SNRPC: variants seen among roughly 807,000 people sequenced by gnomAD.
SNRPC encodes the protein small nuclear ribonucleoprotein polypeptide C.
Under a neutral mutation model 20.0 loss-of-function variants are expected in SNRPC, and 5 were observed. The observed-to-expected ratio is 0.25, with a 90% CI of 0.13 to 0.53. The LOEUF is 0.53. Among genes scored for constraint, SNRPC ranks in the 20% least tolerant of loss-of-function variants. The pLI is 0.96. For synonymous variants in SNRPC, 61 were observed against 58.7 expected (o/e 1.04, Z -0.18); for missense variants, 112 against 224.1 (o/e 0.50, Z 3.19).
intron 4 of SNRPC, 83 bp from the exon 5 acceptor site, chr6:34,770,208 A>G: frequency 9.5e-7 from 1 of 1,051,152 alleles, no homozygotes; most frequent in Middle Eastern, 3.0e-4. Context: ...GGCAACAAGA[A>G]CGAAACTCCG....
At chr6:34,767,144 CA>C (rs2127407150) in intron 3 of SNRPC, among the ~76,000 whole-genome samples, 1 of 152,250 alleles carries the variant, frequency 6.6e-6, no homozygotes, top group African/African-American at 2.4e-5. Context: ...CATCGATTTC[CA>C]AACTGGTAAA....
intron 3 of SNRPC, among the ~76,000 whole-genome samples, chr6:34,765,011 ACT>A (rs1764595843): frequency 2.0e-5 from 3 of 151,598 alleles, no homozygotes; most frequent in East Asian, 1.9e-4. Context: ...ACAGAGCGAG[ACT>A]CTGTCTGAAA....
At chr6:34,758,912 C>T (rs1428894938) in intron 2 of SNRPC, among the ~76,000 whole-genome samples, 2 of 148,418 alleles carry the variant, frequency 1.3e-5, no homozygotes, top group South Asian at 2.2e-4. Context: ...CCCAGCTACT[C>T]GGGAGGCTGA....
chr6:34,770,590 T>G (rs1764673679), intron 5 of SNRPC, among the ~76,000 whole-genome samples, 195 bp downstream of exon 5: 1 of 152,256 alleles, frequency 6.6e-6, no homozygotes, highest in Non-Finnish European at 1.5e-5. Flanking sequence ...CAAATTAAAT[T>G]TGGTCAATTA....
intron 2 of SNRPC, among the ~76,000 whole-genome samples, chr6:34,759,356 C>A (rs1764503844): frequency 6.6e-6 from 1 of 152,138 alleles, no homozygotes; most frequent in South Asian, 2.1e-4. Context: ...CTTCGGGAGG[C>A]CGAGGAAGGA....
At chr6:34,764,490 A>G (rs76390223) in intron 3 of SNRPC, among the ~76,000 whole-genome samples, 4,299 of 150,612 alleles carry the variant, frequency 0.029, 194 homozygotes, top group African/African-American at 0.096. Context: ...AACAAACAAA[A>G]AAAAACAACA....
intron 4 of SNRPC, 116 bp downstream of exon 4, chr6:34,768,113 A>G: frequency 1.5e-6 from 1 of 670,228 alleles, no homozygotes; most frequent in Non-Finnish European, 2.3e-6. Flanking sequence ...AGATAGTAAT[A>G]TAAATGTATA....
chr6:34,770,283 T>C lies in SNRPC; in HGVS notation c.251-8T>C, dbSNP rs2127407901. 1 of 1,591,208 alleles carries C rather than the reference T, an allele frequency of 6.3e-7. No individual in the cohort carries two copies. Among genetic ancestry groups the C allele is most frequent in the East Asian group, 2.2e-5 (1 of 44,792 alleles). Reference sequence around the variant, plus strand: ...CACCTTAACCACAGGCTCCATTCTTTATTTCAGCGGGTCCTCCTCGCCCTG... The same window carrying C: ...CACCTTAACCACAGGCTCCATTCTTCATTTCAGCGGGTCCTCCTCGCCCTG... On this transcript the variant is annotated splice_polypyrimidine_tract_variant and splice_region_variant and intron_variant, in intron 4 of 5. Transcript: ENST00000244520.
chr6:34,773,695 AAG>A lies in SNRPC; in HGVS notation c.*129_*130del, dbSNP rs1452118009. The A allele has an allele frequency of 1.3e-6, 1 of 766,472 alleles. No individual in the cohort carries two copies. Among genetic ancestry groups the A allele is most frequent in the East Asian group, 2.6e-5 (1 of 38,544 alleles). 47.5% of individuals were successfully genotyped at this position (766,472 alleles called of 1,614,324 possible). On this transcript the variant is annotated 3_prime_UTR_variant, in exon 6 of 6. Transcript: ENST00000244520. This position sits in a 1 kb window ranked among gnomAD's most constrained non-coding sequence, Gnocchi z 4.1. ...GAAGACTTGCTCCCCTGTCCTATGA[AAG>A]AGAATAGTTTTGGAGGGGAGAAGTG...
At chr6:34,758,023 T>G in intron 2 of SNRPC, 69 bp downstream of exon 2, 1 of 1,531,930 alleles carries the variant, frequency 6.5e-7, no homozygotes, top group Non-Finnish European at 8.8e-7. Flanking sequence ...TTTGTGTTTT[T>G]TTTAAGTTGC....
intron 4 of SNRPC, among the ~76,000 whole-genome samples, chr6:34,769,786 C>T (rs934288661): frequency 2.0e-5 from 3 of 152,058 alleles, no homozygotes; most frequent in Admixed American, 2.0e-4. Context: ...CCTGTCTAGG[C>T]AGGCTTGTTC....
intron 5 of SNRPC, 72 bp downstream of exon 5, chr6:34,770,467 G>A (rs1764672576): frequency 1.0e-6 from 1 of 977,584 alleles, no homozygotes; most frequent in Admixed American, 1.9e-5. Flanking sequence ...ACACTTAATG[G>A]AAGGAAGTCA....
chr6:34,758,385 G>A lies in SNRPC; in HGVS notation c.51+431G>A, dbSNP rs181391464. Among the ~76,000 whole-genome samples the A allele has an allele frequency of 2.8e-3, 422 of 151,942 alleles. 4 individuals are homozygous for A. The highest frequency in any genetic ancestry group is 9.5e-3 in the African/African-American group (395 of 41,426). Reference sequence around the variant, plus strand: ...GGCTGGAGTGCAGTGGTGCAATCTCGGCTCACTGCAACCTGCTCCTCCCGG... The same window carrying A: ...GGCTGGAGTGCAGTGGTGCAATCTCAGCTCACTGCAACCTGCTCCTCCCGG... On this transcript the variant is annotated intron_variant, in intron 2 of 5. Coordinates refer to ENST00000244520, the MANE Select transcript of SNRPC (RefSeq NM_003093.3).
Position 34,767,912 on chromosome 6 carries a change from T to C in SNRPC, c.165T>C (p.Ala55=), listed in dbSNP as rs1321624195. ...TTTTTTCCTCACCCTCCAAAGCGGCTGCATTTCAACAAGGAAAGATACCTC... is the reference window on the plus strand; with the variant it reads ...TTTTTTCCTCACCCTCCAAAGCGGCCGCATTTCAACAAGGAAAGATACCTC... ...QAQSLIDKTT[A]AFQQGKIPPT... is the part of the protein sequence containing the mutation. The change falls in exon 4 of 6, where the codon GCT becomes GCC. Residue 55 remains alanine (A), a synonymous_variant. Coordinates refer to ENST00000244520, the MANE Select transcript of SNRPC (RefSeq NM_003093.3). The C allele has an allele frequency of 6.6e-7, 1 of 1,522,470 alleles. No individual in the cohort carries two copies. 94.3% of individuals were successfully genotyped at this position (1,522,470 alleles called of 1,614,324 possible).
At chr6:34,763,830 C>A (rs191730319) in intron 3 of SNRPC, among the ~76,000 whole-genome samples, 108 of 151,020 alleles carry the variant, frequency 7.2e-4, no homozygotes, top group South Asian at 4.2e-3. Flanking sequence ...GATTCTCCTG[C>A]CTCAGCCTCC....
chr6:34,758,734 T>C (rs1468057329), intron 2 of SNRPC, among the ~76,000 whole-genome samples: 1 of 152,102 alleles, frequency 6.6e-6, no homozygotes, highest in Non-Finnish European at 1.5e-5. Flanking sequence ...TGACTTGAGT[T>C]AGTGCCAGGG....
chr6:34,773,344 G>A lies in SNRPC; in HGVS notation c.356-102G>A, dbSNP rs1764712123. 1 of 974,950 alleles carries A rather than the reference G, an allele frequency of 1.0e-6. No individual in the cohort carries two copies. The allele number at this position is 974,950 out of a possible 1,614,324, so 60.4% of individuals were successfully genotyped here. On this transcript the variant is annotated intron_variant, in intron 5 of 5. Coordinates refer to ENST00000244520, the MANE Select transcript of SNRPC (RefSeq NM_003093.3). This position sits in a 1 kb window ranked among gnomAD's most constrained non-coding sequence, Gnocchi z 4.1. Reference sequence around the variant, plus strand: ...GTGTCTTTTTTCCAGCATTTTGCAAGGGGGGCTACGTTTTTTGTTTTTAAT... The same window carrying A: ...GTGTCTTTTTTCCAGCATTTTGCAAAGGGGGCTACGTTTTTTGTTTTTAAT...
At chr6:34,762,847 T>C (rs2127406238) in intron 3 of SNRPC, 144 bp downstream of exon 3, 2 of 625,938 alleles carry the variant, frequency 3.2e-6, no homozygotes, top group East Asian at 2.9e-5. Context: ...CAGAAGGTCA[T>C]TGGTTTCCCA....
intron 3 of SNRPC, among the ~76,000 whole-genome samples, chr6:34,766,570 T>TG (rs1189102548): frequency 3.9e-5 from 6 of 152,124 alleles, no homozygotes; most frequent in Admixed American, 3.3e-4. Flanking sequence ...TTTTTGAGAA[T>TG]GGGGGGGAGC....
Sources: gnomAD v4.1 joint callset for allele counts (sites outside exome capture counted in the v4.1 genomes callset) on GRCh38, gnomAD v4.1.1 for gene constraint, Gnocchi (gnomAD v3.1) non-coding constraint, MANE v1.5 for transcripts, NCBI Gene and HGNC (gene_info 2026-07-23, HGNC 2026-07-21) for gene names.